The following NRXN1 variants were observed in gnomAD, a reference collection of about 807,000 sequenced individuals.
NRXN1 encodes neurexin 1.
A neutral mutation model predicts 150.9 loss-of-function variants in NRXN1; 39 were observed. The observed-to-expected ratio is 0.26, with a 90% confidence interval of 0.20 to 0.34. The LOEUF is 0.34. NRXN1 is among the 10% of genes least tolerant of loss of function. NRXN1 has a pLI of 1.00. For missense variants in NRXN1, 1,815 were observed against 1,949.9 expected (o/e 0.93, Z 1.30); for synonymous variants, 924 against 757.0 (o/e 1.22, Z -3.62).
At chr2:50,799,733 A>T (rs1707327946) in intron 5 of NRXN1, among the ~76,000 whole-genome samples, 1 of 152,152 alleles carries the variant, frequency 6.6e-6, no homozygotes, top group Non-Finnish European at 1.5e-5. Flanking sequence ...TGTTTAGTCT[A>T]GGCCAAGCTA....
chr2:50,139,767 T>A (rs558110322), intron 18 of NRXN1, among the ~76,000 whole-genome samples: 5 of 152,148 alleles, frequency 3.3e-5, no homozygotes, highest in African/African-American at 1.2e-4. Context: ...GACTATTCTA[T>A]CTATACTAAG....
intron 15 of NRXN1, among the ~76,000 whole-genome samples, chr2:50,487,949 T>G (rs1407145395): frequency 1.3e-5 from 2 of 152,194 alleles, no homozygotes; most frequent in Admixed American, 6.5e-5. Flanking sequence ...TGCTACCTCA[T>G]GTACTCCCTA....
chr2:50,579,362 T>C (rs1352043796), intron 8 of NRXN1, among the ~76,000 whole-genome samples: 1 of 152,208 alleles, frequency 6.6e-6, no homozygotes, highest in Non-Finnish European at 1.5e-5. Context: ...AGAACCCTAA[T>C]CTAATTTAGA....
At chr2:50,593,464 T>C (rs1389028922) in intron 8 of NRXN1, among the ~76,000 whole-genome samples, 1 of 152,216 alleles carries the variant, frequency 6.6e-6, no homozygotes, top group African/African-American at 2.4e-5. Flanking sequence ...AAAAATATGG[T>C]AATTCAACTT....
intron 18 of NRXN1, among the ~76,000 whole-genome samples, chr2:50,104,820 T>A (rs1487552117): frequency 6.6e-6 from 1 of 152,014 alleles, no homozygotes; most frequent in African/African-American, 2.4e-5. Context: ...AGGTTGCAGC[T>A]TGTTTAGCTG....
At chr2:50,905,258 T>C (rs1425773451) in intron 5 of NRXN1, among the ~76,000 whole-genome samples, 2 of 152,146 alleles carry the variant, frequency 1.3e-5, no homozygotes, top group African/African-American at 4.8e-5. Flanking sequence ...ACTCTGATAA[T>C]GGCAGCATCC....
intron 18 of NRXN1, among the ~76,000 whole-genome samples, chr2:50,124,938 A>G (rs1558928999): frequency 1.3e-5 from 2 of 152,154 alleles, no homozygotes; most frequent in Admixed American, 6.6e-5. Flanking sequence ...TTTATAATTC[A>G]TCATACATTT....
intron 5 of NRXN1, among the ~76,000 whole-genome samples, chr2:50,646,367 G>A (rs142446198): frequency 6.4e-4 from 97 of 152,136 alleles, no homozygotes; most frequent in African/African-American, 2.1e-3. Context: ...GTAACAAGTG[G>A]AAGCAGGAAA....
chr2:50,439,194 T>C (rs530401202), intron 17 of NRXN1, among the ~76,000 whole-genome samples: 1 of 152,314 alleles, frequency 6.6e-6, no homozygotes, highest in African/African-American at 2.4e-5. Context: ...AGCAATGCAA[T>C]GCAGTTGTAG....
chr2:50,068,003 GA>G (rs1695619450), intron 19 of NRXN1, among the ~76,000 whole-genome samples: 1 of 151,936 alleles, frequency 6.6e-6, no homozygotes, highest in African/African-American at 2.4e-5. Flanking sequence ...TTGGTCCACG[GA>G]AAAAAAGATA....
At chr2:50,879,157 G>T (rs1679057369) in intron 5 of NRXN1, among the ~76,000 whole-genome samples, 2 of 151,934 alleles carry the variant, frequency 1.3e-5, no homozygotes, top group African/African-American at 4.8e-5. Context: ...CCGAAGACAG[G>T]TTTCTCAGAA....
chr2:50,238,087 C>A (rs1173146984), intron 17 of NRXN1, among the ~76,000 whole-genome samples: 2 of 152,042 alleles, frequency 1.3e-5, no homozygotes, highest in Admixed American at 6.6e-5. Context: ...AACCTCTTTT[C>A]TTTATCAATT....
chr2:49,976,832 G>T (rs1386333425), intron 21 of NRXN1, among the ~76,000 whole-genome samples: 3 of 152,244 alleles, frequency 2.0e-5, no homozygotes, highest in African/African-American at 7.2e-5. Context: ...AATGTAAAAG[G>T]CTGAGAAGTA....
intron 18 of NRXN1, among the ~76,000 whole-genome samples, chr2:50,162,459 T>C (rs1238626123): frequency 6.6e-6 from 1 of 152,112 alleles, no homozygotes; most frequent in Non-Finnish European, 1.5e-5. Flanking sequence ...ACACAGCAAC[T>C]CCTTCAGAAT....
At chr2:50,489,610 C>G (rs1469084719) in intron 15 of NRXN1, among the ~76,000 whole-genome samples, 1 of 151,976 alleles carries the variant, frequency 6.6e-6, no homozygotes, top group Non-Finnish European at 1.5e-5. Flanking sequence ...CCCAAGATCA[C>G]TTATACTTCC....
At chr2:50,081,482 G>C (rs574938858) in intron 19 of NRXN1, among the ~76,000 whole-genome samples, 2 of 152,298 alleles carry the variant, frequency 1.3e-5, no homozygotes, top group African/African-American at 4.8e-5. Context: ...AACCCAGGAA[G>C]TGGAGGTTGC....
At chr2:50,664,665 C>T (rs966892456) in intron 5 of NRXN1, among the ~76,000 whole-genome samples, 1 of 151,610 alleles carries the variant, frequency 6.6e-6, no homozygotes, top group Admixed American at 6.6e-5. Context: ...GCTAGCTCAT[C>T]TCATCCAGAA....
intron 5 of NRXN1, among the ~76,000 whole-genome samples, chr2:50,742,221 T>A (rs1401069847): frequency 6.6e-6 from 1 of 151,998 alleles, no homozygotes; most frequent in East Asian, 1.9e-4. Context: ...AATTTAACTT[T>A]GAGAATTGCA....
chr2:50,132,762 A>C (rs955008854), intron 18 of NRXN1, among the ~76,000 whole-genome samples: 1 of 151,926 alleles, frequency 6.6e-6, no homozygotes, highest in African/African-American at 2.4e-5. Context: ...GGAAAATTTG[A>C]GGAAACGTCT....
Sources: allele counts gnomAD v4.1 joint callset (sites outside exome capture counted in the v4.1 genomes callset), GRCh38; gene constraint gnomAD v4.1.1; transcripts MANE v1.5; gene names NCBI Gene and HGNC (gene_info 2026-07-23, HGNC 2026-07-21).